TMEM232: variants seen among roughly 807,000 people sequenced by gnomAD.
TMEM232 encodes transmembrane protein 232.
TMEM232 carries 80 observed loss-of-function variants against 78.8 expected under a neutral mutation model. The observed-to-expected ratio is 1.01, with a 90% confidence interval of 0.85 to 1.22. The LOEUF (loss-of-function observed/expected upper bound fraction) is 1.22, where lower values mean the gene tolerates loss of function less well. TMEM232 is among the 50% of genes most tolerant of loss of function. The pLI is 0.00. For missense variants in TMEM232, 881 were observed against 742.2 expected, an observed-to-expected ratio of 1.19 and a Z score of -2.17; for synonymous variants, 297 against 254.3, an observed-to-expected ratio of 1.17 and a Z score of -1.60.
chr5:110,694,189 C>A (rs993633687), intron 1 of TMEM232, among the ~76,000 whole-genome samples: 16 of 152,086 alleles, frequency 1.1e-4, no homozygotes, highest in African/African-American at 2.7e-4. Flanking sequence ...CCAGAATTTC[C>A]TATCCAGCCA....
chr5:110,549,517 A>C (rs2149607607), intron 11 of TMEM232, among the ~76,000 whole-genome samples: 1 of 147,808 alleles, frequency 6.8e-6, no homozygotes, highest in Admixed American at 6.8e-5. Context: ...CGGGAGGCTG[A>C]GACAGTAGAG....
intron 4 of TMEM232, among the ~76,000 whole-genome samples, chr5:110,389,383 T>A (rs965060261): frequency 6.6e-6 from 1 of 150,846 alleles, no homozygotes; most frequent in Non-Finnish European, 1.5e-5. Context: ...TATGAACAGA[T>A]AGATTGGGGT....
intron 2 of TMEM232, among the ~76,000 whole-genome samples, chr5:110,659,680 C>T (rs1031683521): frequency 6.6e-6 from 1 of 152,070 alleles, no homozygotes; most frequent in Non-Finnish European, 1.5e-5. Flanking sequence ...TCATGCTCAT[C>T]CCACCACATG....
intron 5 of TMEM232, among the ~76,000 whole-genome samples, chr5:110,636,011 C>T (rs753558644): frequency 2.5e-4 from 38 of 151,876 alleles, no homozygotes; most frequent in Admixed American, 7.9e-4. Context: ...ATGGAATTAA[C>T]GTAAGTATCC....
intron 2 of TMEM232, among the ~76,000 whole-genome samples, chr5:110,733,668 A>C (rs1313829839): frequency 6.6e-6 from 1 of 152,080 alleles, no homozygotes; most frequent in Non-Finnish European, 1.5e-5. Flanking sequence ...ACCAACAGAC[A>C]CTGGGGCCTA....
At chr5:110,659,553 G>C (rs951793686) in intron 2 of TMEM232, among the ~76,000 whole-genome samples, 1 of 151,956 alleles carries the variant, frequency 6.6e-6, no homozygotes, top group African/African-American at 2.4e-5. Flanking sequence ...TCCATCCAAA[G>C]GAAAATGAGT....
intron 4 of TMEM232, among the ~76,000 whole-genome samples, chr5:110,388,335 G>C (rs952088130): frequency 6.6e-6 from 1 of 152,126 alleles, no homozygotes; most frequent in Non-Finnish European, 1.5e-5. Context: ...GCAAAAAAGA[G>C]AAGATTGAGC....
chr5:110,411,942 A>C (rs1324728074), intron 2 of TMEM232, among the ~76,000 whole-genome samples: 2 of 152,306 alleles, frequency 1.3e-5, no homozygotes, highest in Middle Eastern at 3.4e-3. Flanking sequence ...AATTATGATG[A>C]AGAAACATGA....
chr5:110,717,785 C>T (rs939269430), intron 1 of TMEM232, among the ~76,000 whole-genome samples: 1 of 152,112 alleles, frequency 6.6e-6, no homozygotes, highest in African/African-American at 2.4e-5. Context: ...TCACTCCTCA[C>T]TCTTCTCTCT....
intron 13 of TMEM232, among the ~76,000 whole-genome samples, chr5:110,421,327 GTC>G (rs1756617613): frequency 6.6e-6 from 1 of 151,552 alleles, no homozygotes. Context: ...AACCCATGAT[GTC>G]ATGTAAATAG....
At chr5:110,456,254 A>C (rs1760879471) in intron 12 of TMEM232, among the ~76,000 whole-genome samples, 1 of 152,178 alleles carries the variant, frequency 6.6e-6, no homozygotes, top group African/African-American at 2.4e-5. Flanking sequence ...AACCAATTGT[A>C]ATTCTATACA....
intron 6 of TMEM232, among the ~76,000 whole-genome samples, chr5:110,625,825 C>T (rs890938090): frequency 4.1e-5 from 6 of 145,326 alleles, no homozygotes; most frequent in African/African-American, 1.5e-4. Flanking sequence ...CAAACATTCT[C>T]CAGTTTTATT....
At chr5:110,466,644 G>T (rs528688830) in intron 12 of TMEM232, among the ~76,000 whole-genome samples, 83 of 144,424 alleles carry the variant, frequency 5.7e-4, no homozygotes, top group Non-Finnish European at 9.6e-4. Flanking sequence ...ATGGAGTCTT[G>T]CTCTGTTGCC....
chr5:110,389,294 G>A (rs2081909), intron 4 of TMEM232, among the ~76,000 whole-genome samples: 9,034 of 136,184 alleles, frequency 0.066, 541 homozygotes, highest in East Asian at 0.25. Context: ...AAAACAAAAA[G>A]GAAAGAAGTC....
rs147843594 is a variant in TMEM232 at position 110,737,788 on chromosome 5, T to C, written c.-126+205A>G. 3.0e-3 allele frequency among the ~76,000 whole-genome samples: 450 copies of C among 152,336 alleles called. 1 individual carries two copies. The highest frequency in any genetic ancestry group is 0.011 in the African/African-American group (437 of 41,578). On this transcript the variant is annotated intron_variant, in intron 1 of 4. Coordinates refer to the TMEM232 transcript ENST00000512886. ...AAAATGTCATTTTTCTGTTTGTGAT[T>C]TGCCTTTCAATTGTGATTACTATAT...
intron 12 of TMEM232, among the ~76,000 whole-genome samples, chr5:110,449,220 T>C (rs1321090300): frequency 6.6e-6 from 1 of 152,096 alleles, no homozygotes; most frequent in Non-Finnish European, 1.5e-5. Flanking sequence ...TAACAAATCA[T>C]ACATTCTTCA....
intron 11 of TMEM232, among the ~76,000 whole-genome samples, chr5:110,548,713 G>A (rs1484117758): frequency 6.6e-6 from 1 of 151,828 alleles, no homozygotes; most frequent in African/African-American, 2.4e-5. Flanking sequence ...TCAATTTGAA[G>A]ACAGTAATTT....
chr5:110,450,669 C>T (rs1215346570), intron 12 of TMEM232, among the ~76,000 whole-genome samples: 3 of 152,152 alleles, frequency 2.0e-5, no homozygotes, highest in African/African-American at 4.8e-5. Flanking sequence ...TGGATGTAAA[C>T]AGCCACATAC....
chr5:110,676,555 G>A (rs977459058), intron 1 of TMEM232, among the ~76,000 whole-genome samples: 2 of 151,710 alleles, frequency 1.3e-5, no homozygotes, highest in African/African-American at 2.4e-5. Context: ...ACAGGTGTGA[G>A]CCACCACACC....
Sources: gnomAD v4.1 joint callset for allele counts (sites outside exome capture counted in the v4.1 genomes callset) on GRCh38, gnomAD v4.1.1 for gene constraint, MANE v1.5 for transcripts, NCBI Gene and HGNC (gene_info 2026-07-23, HGNC 2026-07-21) for gene names.